DERA: variants seen among roughly 807,000 people sequenced by gnomAD.
The protein encoded by DERA is 2-deoxy-D-ribose 5-phosphate aldolase.
DERA carries 15 observed loss-of-function variants against 41.1 expected under a neutral mutation model. The ratio of observed to expected loss-of-function variants is 0.37; its 90% CI spans 0.24 to 0.56. The LOEUF is 0.56. Ranked by LOEUF, DERA falls within the 20% of genes least tolerant of loss-of-function variation. The pLI is 0.81. For synonymous variants in DERA, 139 were observed against 137.4 expected (o/e 1.01, Z -0.08); for missense variants, 396 against 403.4 (o/e 0.98, Z 0.16).
At chr12:16,015,457 G>A (rs1948974827) in intron 6 of DERA, among the ~76,000 whole-genome samples, 1 of 152,166 alleles carries the variant, frequency 6.6e-6, no homozygotes, top group South Asian at 2.1e-4. Context: ...TTGTCCCTTT[G>A]TGAAGAAGGT....
Position 16,008,166 on chromosome 12 carries a change from T to G in DERA, c.638-24376T>G, listed in dbSNP as rs1321638672. 6.6e-6 allele frequency among the ~76,000 whole-genome samples: 1 copy of G among 152,244 alleles called. No individual in the cohort carries two copies. Among genetic ancestry groups the G allele is most frequent in the Non-Finnish European group, 1.5e-5 (1 of 68,040 alleles). On this transcript the variant is annotated intron_variant, in intron 6 of 8. Transcript: ENST00000428559. This position sits in a 1 kb window ranked among gnomAD's most constrained non-coding sequence, Gnocchi z 4.8. ...CTGCAACAGGCCAGATAACACAGTT[T>G]CTTTTTCTCTGTTTCTTCAGCAACG...
At chr12:15,964,304 G>A (rs1948608313) in intron 5 of DERA, among the ~76,000 whole-genome samples, 1 of 152,154 alleles carries the variant, frequency 6.6e-6, no homozygotes, top group Non-Finnish European at 1.5e-5. Context: ...GGAAAATAGA[G>A]TTTTTAGCTT....
chr12:16,000,246 T>C lies in DERA; in HGVS notation c.637+17810T>C, dbSNP rs1271083110. ...AGACCTGCACCCGTTCATTCTATTA[T>C]TGGTTTATTGCAGAACATAGCGCAG... On this transcript the variant is annotated intron_variant, in intron 6 of 8. Transcript: ENST00000428559. The surrounding 1 kb of genome is among the most constrained non-coding windows in gnomAD (Gnocchi z 4.8). Among the ~76,000 whole-genome samples, 1 of 152,168 alleles carries C rather than the reference T, an allele frequency of 6.6e-6. No homozygotes were observed. Among genetic ancestry groups the C allele is most frequent in the African/African-American group, 2.4e-5 (1 of 41,432 alleles).
rs1948421077 is a variant in DERA, at chr12:15,943,194, A to G, written c.32-13742A>G. ...TTGTGAATCTTACAGATGCTTCTGAATCTTTGACTTTTCACTCTCCAGGTG... is the reference window on the plus strand; with the variant it reads ...TTGTGAATCTTACAGATGCTTCTGAGTCTTTGACTTTTCACTCTCCAGGTG... On this transcript the variant is annotated intron_variant, in intron 1 of 8. Coordinates refer to ENST00000428559, the MANE Select transcript of DERA (RefSeq NM_015954.4). The surrounding 1 kb of genome is among the most constrained non-coding windows in gnomAD (Gnocchi z 4.5). Among the ~76,000 whole-genome samples the G allele has an allele frequency of 6.6e-6, 1 of 152,210 alleles. No homozygotes were observed. The highest frequency in any genetic ancestry group is 2.4e-5 in the African/African-American group (1 of 41,454).
chr12:15,997,218 A>T (rs1948844107), intron 6 of DERA, among the ~76,000 whole-genome samples: 2 of 152,214 alleles, frequency 1.3e-5, no homozygotes. Flanking sequence ...ATACTGACAC[A>T]AGACTACACA....
chr12:15,994,148 G>C lies in DERA; in HGVS notation c.637+11712G>C, dbSNP rs1375994841. On this transcript the variant is annotated intron_variant, in intron 6 of 8. Transcript: ENST00000428559. This position sits in a 1 kb window ranked among gnomAD's most constrained non-coding sequence, Gnocchi z 4.8. ...GCCTAGAAAAATTCACAGGTGCAAA[G>C]ACTGGTACATAGTAAATGCCTAGTA... Among the ~76,000 whole-genome samples the C allele has an allele frequency of 1.3e-5, 2 of 152,170 alleles. No individual in the cohort carries two copies. Among genetic ancestry groups the C allele is most frequent in the East Asian group, 1.9e-4 (1 of 5,188 alleles).
chr12:15,985,512 T>C lies in DERA; in HGVS notation c.637+3076T>C, dbSNP rs1201356209. 1.3e-5 allele frequency among the ~76,000 whole-genome samples: 2 copies of C among 152,166 alleles called. No homozygotes were observed. Among genetic ancestry groups the C allele is most frequent in the African/African-American group, 4.8e-5 (2 of 41,458 alleles). On this transcript the variant is annotated intron_variant, in intron 6 of 8. Transcript: ENST00000428559. This position sits in a 1 kb window ranked among gnomAD's most constrained non-coding sequence, Gnocchi z 4.2. ...TCTTTCCTCCTCTGCTTGTTCATGC[T>C]AGGGCTTTGCCAATTTTATTAATCT...
rs112184101 is a variant in DERA at position 15,921,719 on chromosome 12, C to T, written c.31+10305C>T. Among the ~76,000 whole-genome samples, 3 of 151,986 alleles carry T rather than the reference C, an allele frequency of 2.0e-5. No homozygotes were observed. The highest frequency in any genetic ancestry group is 7.2e-5 in the African/African-American group (3 of 41,430). ...GGCAGATCATCTGAGTTCAGGCATT[C>T]GAGACCAGCCTGGTCAACATGGTGA... On this transcript the variant is annotated intron_variant, in intron 1 of 8. Transcript: ENST00000428559. This position sits in a 1 kb window ranked among gnomAD's most constrained non-coding sequence, Gnocchi z 5.3.
chr12:16,005,957 C>A (rs1948907631), intron 6 of DERA, among the ~76,000 whole-genome samples: 1 of 152,214 alleles, frequency 6.6e-6, no homozygotes, highest in African/African-American at 2.4e-5. Flanking sequence ...CTTACAATCT[C>A]TTTAAACATC....
At chr12:15,962,157 G>A (rs1408601932) in intron 4 of DERA, among the ~76,000 whole-genome samples, 1 of 152,174 alleles carries the variant, frequency 6.6e-6, no homozygotes, top group Non-Finnish European at 1.5e-5. Context: ...GTTGTGTTTT[G>A]TGTTTTCATT....
Position 15,936,458 on chromosome 12 carries a change from T to G in DERA, c.32-20478T>G, listed in dbSNP as rs1948364694. On this transcript the variant is annotated intron_variant, in intron 1 of 8. Coordinates refer to ENST00000428559, the MANE Select transcript of DERA (RefSeq NM_015954.4). This position sits in a 1 kb window ranked among gnomAD's most constrained non-coding sequence, Gnocchi z 4.6. The stretch of plus-strand genomic sequence containing the variant: ...TTTTGGAAAACATTTTACTATATGA[T>G]CTGGCCCTTGCCGCCCTCTCTTTCT... 6.6e-6 allele frequency among the ~76,000 whole-genome samples: 1 copy of G among 152,244 alleles called. No individual in the cohort carries two copies. The highest frequency in any genetic ancestry group is 2.1e-4 in the South Asian group (1 of 4,834).
chr12:15,919,766 A>T (rs915130461), intron 1 of DERA, among the ~76,000 whole-genome samples: 1 of 152,200 alleles, frequency 6.6e-6, no homozygotes, highest in Non-Finnish European at 1.5e-5. Context: ...CCGCAAAGCA[A>T]AGTCTAAGAC....
In DERA at chr12:16,014,101, A is replaced by C. The variant is rs1233799217; in HGVS notation, c.638-18441A>C. ...AGGAGATCATTTGGAATTGGAACTT[A>C]GTTTAAAAGGGAAGCAGAGCATAAA... On this transcript the variant is annotated intron_variant, in intron 6 of 8. Transcript: ENST00000428559. The surrounding 1 kb of genome is among the most constrained non-coding windows in gnomAD (Gnocchi z 5.4). 2.6e-5 allele frequency among the ~76,000 whole-genome samples: 4 copies of C among 152,204 alleles called. No homozygotes were observed. Among genetic ancestry groups the C allele is most frequent in the African/African-American group, 9.6e-5 (4 of 41,452 alleles).
rs1024225305 is a variant in DERA at position 15,911,355 on chromosome 12, C to T, written c.-29C>T. 2.1e-6 allele frequency: 3 copies of T among 1,426,816 alleles called. No individual in the cohort carries two copies. The highest frequency in any genetic ancestry group is 3.0e-5 in the Admixed American group (1 of 33,326). The allele number at this position is 1,426,816 out of a possible 1,614,324, so 88.4% of individuals were successfully genotyped here. ...GCGCGGCGCAGAGGCGGGCGCCTAC[C>T]AGCCGGCAGCTCCGGAGCTGCCCGC... On this transcript the variant is annotated 5_prime_UTR_variant, in exon 1 of 9. Coordinates refer to ENST00000428559, the MANE Select transcript of DERA (RefSeq NM_015954.4). The surrounding 1 kb of genome is among the most constrained non-coding windows in gnomAD (Gnocchi z 4.5).
In DERA at chr12:15,993,299, T is replaced by A. The variant is rs1294702381; in HGVS notation, c.637+10863T>A. ...AATAGGAAATTAGTATCTAAGATTT[T>A]AAAAAATATATTTTTGAAAATTTAA... On this transcript the variant is annotated intron_variant, in intron 6 of 8. Transcript: ENST00000428559. The surrounding 1 kb of genome is among the most constrained non-coding windows in gnomAD (Gnocchi z 4.4). Among the ~76,000 whole-genome samples the A allele has an allele frequency of 6.6e-6, 1 of 152,126 alleles. No individual in the cohort carries two copies. The highest frequency in any genetic ancestry group is 1.9e-4 in the East Asian group (1 of 5,200).
At chr12:15,930,970 G>C (rs1314774090) in intron 1 of DERA, among the ~76,000 whole-genome samples, 2 of 152,150 alleles carry the variant, frequency 1.3e-5, no homozygotes, top group Non-Finnish European at 2.9e-5. Context: ...AATAGGTACA[G>C]ATATTGTATA....
At chr12:15,945,372 T>C (rs1948439367) in intron 1 of DERA, among the ~76,000 whole-genome samples, 1 of 152,334 alleles carries the variant, frequency 6.6e-6, no homozygotes, top group East Asian at 1.9e-4. Context: ...GCATGGAATG[T>C]TCTTCCATTT....
chr12:15,982,623 A>AT lies in DERA; in HGVS notation c.637+196dup, dbSNP rs990159810. ...TCAAAAACTCCTGGCTTTCTTCCACATTTTTTTTTGTGTGTGTGTGGCATT... is the reference window on the plus strand; with the variant it reads ...TCAAAAACTCCTGGCTTTCTTCCACATTTTTTTTTTGTGTGTGTGTGGCATT... On this transcript the variant is annotated intron_variant, in intron 6 of 8. Coordinates refer to ENST00000428559, the MANE Select transcript of DERA (RefSeq NM_015954.4). This position sits in a 1 kb window ranked among gnomAD's most constrained non-coding sequence, Gnocchi z 4.0. Among the ~76,000 whole-genome samples, 11 of 151,294 alleles carry AT rather than the reference A, an allele frequency of 7.3e-5. No individual in the cohort carries two copies. Among genetic ancestry groups the AT allele is most frequent in the Non-Finnish European group, 1.0e-4 (7 of 67,774 alleles).
rs1949017304 is a variant in DERA, at chr12:16,021,551, T to C, written c.638-10991T>C. 6.6e-6 allele frequency among the ~76,000 whole-genome samples: 1 copy of C among 152,162 alleles called. No homozygotes were observed. Among genetic ancestry groups the C allele is most frequent in the Non-Finnish European group, 1.5e-5 (1 of 68,034 alleles). ...CCACTGCAGCGCTGTCTTAGTGGAATTGTGGGAATGGGGCTGCCACTCTCC... is the reference window on the plus strand; with the variant it reads ...CCACTGCAGCGCTGTCTTAGTGGAACTGTGGGAATGGGGCTGCCACTCTCC... On this transcript the variant is annotated intron_variant, in intron 6 of 8. Transcript: ENST00000428559. The surrounding 1 kb of genome is among the most constrained non-coding windows in gnomAD (Gnocchi z 5.3).
Sources: gnomAD v4.1 joint callset for allele counts (sites outside exome capture counted in the v4.1 genomes callset) on GRCh38, gnomAD v4.1.1 for gene constraint, Gnocchi (gnomAD v3.1) non-coding constraint, MANE v1.5 for transcripts, NCBI Gene and HGNC (gene_info 2026-07-23, HGNC 2026-07-21) for gene names.